RXRG: variants seen among roughly 807,000 people sequenced by gnomAD.
RXRG encodes the protein retinoic acid receptor RXR-gamma.
Under a neutral mutation model 49.2 loss-of-function variants are expected in RXRG, and 19 were observed. That is an observed-to-expected ratio of 0.39 (90% CI 0.27 to 0.57). The LOEUF is 0.57. RXRG is among the 20% of genes least tolerant of loss of function. The pLI, the probability that RXRG is intolerant of heterozygous loss-of-function variation, is 0.64. For synonymous variants in RXRG, 224 were observed against 216.6 expected, an observed-to-expected ratio of 1.03 and a Z score of -0.30; for missense variants, 452 against 592.5, an observed-to-expected ratio of 0.76 and a Z score of 2.46.
chr1:165,406,867 C>A lies in RXRG; in HGVS notation c.1189G>T (p.Val397Phe). ...GTGTAGGCCTCAAGGGTGGCATAAACCTTCTCTCGCAGAGTCTCCACCTCA... is the reference window on the plus strand; with the variant it reads ...GTGTAGGCCTCAAGGGTGGCATAAAACTTCTCTCGCAGAGTCTCCACCTCA... ...PSEVETLREKVYATLEAYTKQ... is the reference protein window; with the variant it reads ...PSEVETLREKFYATLEAYTKQ... The change falls in exon 9 of 10, where the codon GTT becomes TTT. Residue 397 changes from valine (V) to phenylalanine (F), a missense_variant. By Grantham distance (50) the Val-to-Phe change is conservative (BLOSUM62 -1). Transcript: ENST00000359842. The A allele has an allele frequency of 6.2e-7, 1 of 1,614,014 alleles. No homozygotes were observed.
intron 2 of RXRG, among the ~76,000 whole-genome samples, chr1:165,425,611 C>T (rs1464650798): frequency 6.6e-6 from 1 of 152,194 alleles, no homozygotes; most frequent in Non-Finnish European, 1.5e-5. Context: ...ACAAACAAAC[C>T]TCATACATTA....
intron 2 of RXRG, among the ~76,000 whole-genome samples, chr1:165,421,992 C>T (rs1658336106): frequency 1.3e-5 from 2 of 152,196 alleles, no homozygotes; most frequent in Non-Finnish European, 2.9e-5. Flanking sequence ...AACTTTAGGT[C>T]AGATGACCCC....
chr1:165,431,168 A>C (rs1019805856), intron 1 of RXRG, among the ~76,000 whole-genome samples: 10 of 152,216 alleles, frequency 6.6e-5, no homozygotes, highest in African/African-American at 2.4e-4. Context: ...TCAAATTGCC[A>C]ATCTGAAACC....
At chr1:165,438,500 A>G (rs1658883202) in intron 1 of RXRG, among the ~76,000 whole-genome samples, 1 of 152,128 alleles carries the variant, frequency 6.6e-6, no homozygotes, top group Admixed American at 6.5e-5. Flanking sequence ...GATTAAGCAC[A>G]CGGCTTGGCA....
chr1:165,440,385 C>T (rs74118604), intron 1 of RXRG, among the ~76,000 whole-genome samples: 9,273 of 152,172 alleles, frequency 0.061, 710 homozygotes, highest in African/African-American at 0.18. Flanking sequence ...ATCCAAAATG[C>T]TTAGCACCAG....
chr1:165,407,679 C>T (rs1363815706), intron 8 of RXRG, among the ~76,000 whole-genome samples: 1 of 152,214 alleles, frequency 6.6e-6, no homozygotes, highest in Non-Finnish European at 1.5e-5. Flanking sequence ...CTCATATGAG[C>T]AGTTGCTTCC....
intron 1 of RXRG, among the ~76,000 whole-genome samples, chr1:165,437,666 G>T (rs1658856819): frequency 6.6e-6 from 1 of 152,208 alleles, no homozygotes; most frequent in African/African-American, 2.4e-5. Context: ...TTAGGAACGA[G>T]AGGAGAACTG....
At position 165,428,948 on chromosome 1, in the gene RXRG, C is replaced by T. The variant is rs367816854; in HGVS notation, c.68G>A (p.Gly23Asp). ...TGCTGATGGGCTCATGGATGTAGAG[C>T]CAGTGTGGCCAGGGGAGCCTGTAAG... is the stretch of plus-strand genomic sequence containing the variant. ...AGYGGSPGHT[G>D]STSMSPSAAL... Residue 23 changes from glycine to aspartate, a missense_variant, in exon 2 of 10, where the codon GGC becomes GAC. By Grantham distance (94) the Gly-to-Asp change is moderately conservative (BLOSUM62 -1). Around this residue, in one of 2 missense-constraint regions of RXRG, gnomAD observed 166 missense variants for 151.7 expected, o/e 1.09. Transcript: ENST00000359842. 6.8e-6 allele frequency: 11 copies of T among 1,612,970 alleles called. No homozygotes were observed. Among genetic ancestry groups the T allele is most frequent in the African/African-American group, 1.3e-5 (1 of 74,890 alleles).
chr1:165,418,144 GATTTTGCT>G (rs1433980090), intron 3 of RXRG, among the ~76,000 whole-genome samples: 2 of 139,984 alleles, frequency 1.4e-5, no homozygotes, highest in Non-Finnish European at 3.1e-5. Context: ...AAAAGAAGGT[GATTTTGCT>G]TAATCCAGAC....
Position 165,428,829 on chromosome 1 carries a change from G to A in RXRG, c.187C>T (p.Leu63Phe), listed in dbSNP as rs575591593. ...CGATATGGAGAGCCCAGGGCATTGA[G>A]GGGGGTCCCCACTGCACTCAGAGTC... is the stretch of plus-strand genomic sequence containing the variant. ...PRTLSAVGTP[L>F]NALGSPYRVI... is the part of the protein sequence containing the mutation. The change falls in exon 2 of 10, where the codon CTC becomes TTC. Residue 63 changes from leucine to phenylalanine, a missense_variant. Physicochemically the swap from Leu to Phe is conservative, Grantham distance 22. Around this residue, in one of 2 missense-constraint regions of RXRG, gnomAD observed 166 missense variants for 151.7 expected, o/e 1.09. Transcript: ENST00000359842. The A allele has an allele frequency of 6.2e-7, 1 of 1,614,138 alleles. No homozygotes were observed. The highest frequency in any genetic ancestry group is 1.3e-5 in the African/African-American group (1 of 75,054).
intron 1 of RXRG, among the ~76,000 whole-genome samples, chr1:165,436,179 A>C (rs1658812847): frequency 6.6e-6 from 1 of 152,176 alleles, no homozygotes; most frequent in South Asian, 2.1e-4. Context: ...CCTCGGTTAC[A>C]AGCAAGGACA....
chr1:165,420,588 G>A (rs536023159), intron 2 of RXRG, among the ~76,000 whole-genome samples: 3 of 152,154 alleles, frequency 2.0e-5, no homozygotes, highest in Non-Finnish European at 4.4e-5. Flanking sequence ...AAATGAGAAA[G>A]GACATGTGTA....
In RXRG at chr1:165,410,952, G is replaced by T. The variant is rs773853905; in HGVS notation, c.780C>A (p.Asn260Lys). ...TESYGDMNME[N>K]STNDPVTNIC... is the part of the protein sequence containing the mutation. Reference sequence around the variant, plus strand: ...ATGTGTGTCTAAGAGCACATACCGAGTTCTCCATATTCATGTCACCATAGG... The same window carrying T: ...ATGTGTGTCTAAGAGCACATACCGATTTCTCCATATTCATGTCACCATAGG... Residue 260 changes from asparagine (N) to lysine (K), a missense_variant, in exon 5 of 10, where the codon AAC becomes AAA. Asn to Lys is a moderately conservative substitution (Grantham distance 94, BLOSUM62 0). Transcript: ENST00000359842. 1 of 1,614,058 alleles carries T rather than the reference G, an allele frequency of 6.2e-7. No individual in the cohort carries two copies. The highest frequency in any genetic ancestry group is 1.1e-5 in the South Asian group (1 of 91,066).
chr1:165,424,277 C>G (rs1428460379), intron 2 of RXRG, among the ~76,000 whole-genome samples: 2 of 152,212 alleles, frequency 1.3e-5, no homozygotes, highest in African/African-American at 4.8e-5. Context: ...CTCCAGTGCC[C>G]AGTACTGGGC....
intron 1 of RXRG, among the ~76,000 whole-genome samples, chr1:165,434,280 A>ATGTGTG (rs57708987): frequency 0.037 from 4,790 of 131,062 alleles, 107 homozygotes; most frequent in Non-Finnish European, 0.055. Context: ...GCATGTGTGT[A>ATGTGTG]TGTGTGTGTG....
chr1:165,413,920 G>A (rs1244003436), intron 4 of RXRG, among the ~76,000 whole-genome samples: 1 of 152,174 alleles, frequency 6.6e-6, no homozygotes, highest in East Asian at 1.9e-4. Context: ...ATCCCAGGCA[G>A]GTAAATTCTG....
At chr1:165,429,476 A>T (rs1241767968) in intron 1 of RXRG, among the ~76,000 whole-genome samples, 3 of 152,288 alleles carry the variant, frequency 2.0e-5, no homozygotes, top group Admixed American at 2.0e-4. Flanking sequence ...GGTGCTGGGG[A>T]TTCAGAGCAG....
At chr1:165,411,167 G>A in intron 4 of RXRG, 58 bp from the exon 5 acceptor site, 1 of 1,538,322 alleles carries the variant, frequency 6.5e-7, no homozygotes. Context: ...CAGTGGGAAA[G>A]TTTATTACCC....
At chr1:165,426,286 T>C (rs551861196) in intron 2 of RXRG, among the ~76,000 whole-genome samples, 173 of 152,346 alleles carry the variant, frequency 1.1e-3, no homozygotes, top group African/African-American at 3.8e-3. Context: ...TTATACCCAG[T>C]AAAGTAGTTT....
Sources: gnomAD v4.1 joint callset for allele counts (sites outside exome capture counted in the v4.1 genomes callset) on GRCh38, gnomAD v4.1.1 for gene constraint, gnomAD v4.1.1 regional missense constraint, MANE v1.5 for transcripts, NCBI Gene and HGNC (gene_info 2026-07-23, HGNC 2026-07-21) for gene names.